C2orf76: variants seen among roughly 807,000 people sequenced by gnomAD.
The protein encoded by C2orf76 is UPF0538 protein C2orf76.
Under a neutral mutation model 16.9 loss-of-function variants are expected in C2orf76, and 23 were observed. The ratio of observed to expected loss-of-function variants is 1.36; its 90% confidence interval spans 0.98 to 1.93. The LOEUF is 1.93. C2orf76 is among the 30% of genes most tolerant of loss of function. C2orf76 has a pLI of 0.00. For synonymous variants in C2orf76, 48 were observed against 52.3 expected (o/e 0.92, Z 0.35); for missense variants, 152 against 152.6 (o/e 1.00, Z 0.02).
the C2orf76 span, among the ~76,000 whole-genome samples, chr2:119,292,339 C>T: frequency 5.6e-4 from 85 of 152,158 alleles, no homozygotes; most frequent in South Asian, 1.9e-3. Context: ...TGTGACTAAC[C>T]ACCACAGCGT....
chr2:119,340,072 TC>T (rs1679978567), intron 1 of C2orf76, 101 bp from the exon 2 acceptor site: 2 of 1,285,764 alleles, frequency 1.6e-6, no homozygotes, highest in Middle Eastern at 2.0e-4. Context: ...CCAGCCCCGC[TC>T]TTCCATGCTG....
chr2:119,325,620 A>T (rs1362956094), intron 2 of C2orf76, among the ~76,000 whole-genome samples: 1 of 152,158 alleles, frequency 6.6e-6, no homozygotes, highest in Non-Finnish European at 1.5e-5. Context: ...CTGCCTCCAA[A>T]AAAAGGAAAG....
At chr2:119,291,251 A>C in the C2orf76 span, among the ~76,000 whole-genome samples, 1 of 151,862 alleles carries the variant, frequency 6.6e-6, no homozygotes, top group East Asian at 1.9e-4. Flanking sequence ...AGGTATCTAG[A>C]ATATTCTAAC....
At chr2:119,349,754 C>A (rs1680321612) in intron 1 of C2orf76, among the ~76,000 whole-genome samples, 1 of 152,146 alleles carries the variant, frequency 6.6e-6, no homozygotes, top group African/African-American at 2.4e-5. Flanking sequence ...CTCCCCCAGG[C>A]TGAGCCATGG....
chr2:119,285,368 G>A, the C2orf76 span, among the ~76,000 whole-genome samples: 4 of 152,156 alleles, frequency 2.6e-5, no homozygotes, highest in South Asian at 2.1e-4. Context: ...TCAGGGTCAC[G>A]TAACTTGGAG....
At chr2:119,342,140 A>G (rs1680051806) in intron 1 of C2orf76, among the ~76,000 whole-genome samples, 1 of 152,198 alleles carries the variant, frequency 6.6e-6, no homozygotes, top group African/African-American at 2.4e-5. Context: ...AGGATGGTGT[A>G]CTCCTACGAT....
intron 1 of C2orf76, among the ~76,000 whole-genome samples, chr2:119,358,769 G>C (rs1573691658): frequency 6.6e-6 from 1 of 152,094 alleles, no homozygotes; most frequent in Non-Finnish European, 1.5e-5. Flanking sequence ...AGTGAAGCTA[G>C]CAGAGGTTGG....
At chr2:119,297,593 G>C (rs1678559940), downstream of C2orf76, among the ~76,000 whole-genome samples, 1 of 152,060 alleles carries the variant, frequency 6.6e-6, no homozygotes, top group Non-Finnish European at 1.5e-5. Flanking sequence ...TGTAACCTCT[G>C]CCTCCCAGGT....
the C2orf76 span, among the ~76,000 whole-genome samples, chr2:119,287,836 C>T: frequency 6.6e-6 from 1 of 152,160 alleles, no homozygotes; most frequent in Non-Finnish European, 1.5e-5. Flanking sequence ...ATTCCAATTT[C>T]TTATAATATT....
chr2:119,310,633 A>G (rs1435802949), intron 5 of C2orf76, among the ~76,000 whole-genome samples: 1 of 152,218 alleles, frequency 6.6e-6, no homozygotes, highest in Non-Finnish European at 1.5e-5. Context: ...GAACAATGTG[A>G]GGCCGAGGCA....
chr2:119,348,143 G>C (rs1218415646), intron 1 of C2orf76, among the ~76,000 whole-genome samples: 1 of 151,330 alleles, frequency 6.6e-6, no homozygotes, highest in East Asian at 1.9e-4. Flanking sequence ...GTAAATGCTT[G>C]ACATTTTTCA....
chr2:119,364,183 C>A (rs1201038630), intron 1 of C2orf76, among the ~76,000 whole-genome samples: 2 of 151,790 alleles, frequency 1.3e-5, no homozygotes, highest in Non-Finnish European at 1.5e-5. Context: ...CTGAGACCCA[C>A]CGAGTGAAGC....
chr2:119,316,147 G>A (rs1679166209), intron 4 of C2orf76, among the ~76,000 whole-genome samples: 1 of 152,062 alleles, frequency 6.6e-6, no homozygotes, highest in African/African-American at 2.4e-5. Flanking sequence ...CAAAAATATA[G>A]AACATTACCT....
rs13408382 is a variant in C2orf76 at position 119,350,077 on chromosome 2, C to A, written c.-12-10106G>T. ...CACGCCCCGCCCACACCGCCCCCCG[C>A]CCCCCCACCGTCCCGCGTAAGTGTT... On this transcript the variant is annotated intron_variant, in intron 1 of 5. Transcript: ENST00000334816. Among the ~76,000 whole-genome samples, 4 of 84,044 alleles carry A rather than the reference C, an allele frequency of 4.8e-5. 1 individual carries two copies. Among genetic ancestry groups the A allele is most frequent in the Middle Eastern group, 9.3e-3 (2 of 214 alleles). The allele number at this position is 84,044 out of a possible 152,430, so 55.1% of individuals were successfully genotyped here. A position where few individuals can be genotyped will look rare whatever the true frequency, so the allele number is the denominator to read the frequency against.
At chr2:119,362,036 T>C (rs1333948769) in intron 1 of C2orf76, among the ~76,000 whole-genome samples, 3 of 152,290 alleles carry the variant, frequency 2.0e-5, no homozygotes, top group South Asian at 2.1e-4. Flanking sequence ...TTCTATTTTT[T>C]TCCACCTCTG....
intron 4 of C2orf76, among the ~76,000 whole-genome samples, chr2:119,312,438 C>T (rs1171433777): frequency 2.0e-5 from 3 of 151,964 alleles, no homozygotes; most frequent in Non-Finnish European, 2.9e-5. Context: ...TTAGTAGAGA[C>T]GGGGTCTCAC....
intron 1 of C2orf76, among the ~76,000 whole-genome samples, chr2:119,363,810 G>A (rs1035164858): frequency 4.6e-5 from 7 of 152,156 alleles, no homozygotes; most frequent in African/African-American, 1.2e-4. Context: ...GGGATCACTT[G>A]AGCTCAGGAG....
intron 1 of C2orf76, among the ~76,000 whole-genome samples, chr2:119,356,634 G>A (rs1183647891): frequency 6.6e-6 from 1 of 151,170 alleles, no homozygotes; most frequent in Non-Finnish European, 1.5e-5. Context: ...CAAGCAGAAG[G>A]AAAGAAATAA....
rs545877118 is a variant in C2orf76 at position 119,304,345 on chromosome 2, T to G, written c.305-1797A>C. On this transcript the variant is annotated intron_variant, in intron 5 of 5. Transcript: ENST00000334816. The stretch of plus-strand genomic sequence containing the variant: ...AGTCCACGCTAACTGTAATTACAAT[T>G]TTCACTTACTGCAGTTGACATTTAT... Among the ~76,000 whole-genome samples, 7 of 152,366 alleles carry G rather than the reference T, an allele frequency of 4.6e-5. No homozygotes were observed. In the East Asian group the frequency reaches 1.2e-3, roughly 25 times the overall value.
Sources: gnomAD v4.1 joint callset for allele counts (sites outside exome capture counted in the v4.1 genomes callset) on GRCh38, gnomAD v4.1.1 for gene constraint, MANE v1.5 for transcripts, NCBI Gene and HGNC (gene_info 2026-07-23, HGNC 2026-07-21) for gene names.